Variants in CFAP54 observed in about 807,000 individuals in gnomAD.
The protein encoded by CFAP54 is cilia and flagella associated protein 54.
Under a neutral mutation model 370.4 loss-of-function variants are expected in CFAP54, and 290 were observed. The ratio of observed to expected loss-of-function variants is 0.78; its 90% confidence interval spans 0.71 to 0.86. CFAP54 has a LOEUF of 0.86. Among genes scored for constraint, CFAP54 ranks in the 40% least tolerant of loss-of-function variants. CFAP54 has a pLI of 0.00. For missense variants in CFAP54, 3,399 were observed against 3,528.7 expected (o/e 0.96, Z 0.93); for synonymous variants, 1,206 against 1,236.5 (o/e 0.98, Z 0.52).
intron 25 of CFAP54, among the ~76,000 whole-genome samples, chr12:96,595,783 G>T (rs1429841503): frequency 6.6e-6 from 1 of 152,106 alleles, no homozygotes; most frequent in Non-Finnish European, 1.5e-5. Context: ...AAAACCCAAA[G>T]GTGCCGACCT....
At chr12:96,601,589 C>CT (rs1025031549) in intron 26 of CFAP54, among the ~76,000 whole-genome samples, 7 of 151,840 alleles carry the variant, frequency 4.6e-5, no homozygotes, top group South Asian at 4.2e-4. Flanking sequence ...TGGTCCTGGA[C>CT]TTTTTTTTGG....
In CFAP54 at chr12:96,818,096, A is replaced by T. The variant is rs956426592; in HGVS notation, c.9096+183A>T. On this transcript the variant is annotated intron_variant, in intron 65 of 67. Transcript: ENST00000524981. ...TCTTCTGAAGGTCTGAAGGTCTTCT[A>T]AGCATACGAATTACAAGAATTTGAT... Among the ~76,000 whole-genome samples, 12 of 152,352 alleles carry T rather than the reference A, an allele frequency of 7.9e-5. No individual in the cohort carries two copies. In the East Asian group the frequency reaches 2.3e-3, roughly 29 times the overall value.
At chr12:96,749,823 C>T (rs551334922) in intron 55 of CFAP54, among the ~76,000 whole-genome samples, 1 of 152,278 alleles carries the variant, frequency 6.6e-6, no homozygotes, top group Admixed American at 6.5e-5. Flanking sequence ...CTCTTGTCAG[C>T]TGCTGGATCT....
chr12:96,849,882 G>A (rs1959486695), intron 66 of CFAP54, among the ~76,000 whole-genome samples: 1 of 152,074 alleles, frequency 6.6e-6, no homozygotes, highest in Non-Finnish European at 1.5e-5. Flanking sequence ...CTAATTCACA[G>A]TCTTTTATCT....
rs115719788 is a variant in CFAP54 at position 96,817,715 on chromosome 12, C to T, written c.8958-60C>T. The T allele has an allele frequency of 1.1e-3, 1,236 of 1,163,994 alleles. 9 individuals carry two copies. The African/African-American group carries it at 0.016, about 15-fold the overall frequency. 72.1% of individuals were successfully genotyped at this position (1,163,994 alleles called of 1,614,324 possible). A position where few individuals can be genotyped will look rare whatever the true frequency, so the allele number is the denominator to read the frequency against. On this transcript the variant is annotated intron_variant, in intron 64 of 67. Coordinates refer to ENST00000524981, the MANE Select transcript of CFAP54 (RefSeq NM_001306084.2). ...GATTACAGGCGTGAGCCACCACGCC[C>T]GGCCATAAATACCTTTCTTAACTCT...
At position 96,739,947 on chromosome 12, in the gene CFAP54, C is replaced by G; in HGVS notation, c.6966-9C>G. ...ACTGATAACATTTAAAATATATTTT[C>G]TATTTTAGTGCTGCAATAGTATTTT... On this transcript the variant is annotated splice_polypyrimidine_tract_variant and intron_variant, in intron 50 of 67. Coordinates refer to ENST00000524981, the MANE Select transcript of CFAP54 (RefSeq NM_001306084.2). The G allele has an allele frequency of 7.2e-7, 1 of 1,382,842 alleles. No individual in the cohort carries two copies. The highest frequency in any genetic ancestry group is 1.0e-6 in the Non-Finnish European group (1 of 989,770). 85.7% of individuals were successfully genotyped at this position (1,382,842 alleles called of 1,614,324 possible).
At chr12:96,584,940 A>G (rs1813013612) in intron 22 of CFAP54, among the ~76,000 whole-genome samples, 1 of 152,144 alleles carries the variant, frequency 6.6e-6, no homozygotes, top group Non-Finnish European at 1.5e-5. Flanking sequence ...CTATAAATGG[A>G]GATCAGCTGA....
At position 96,535,052 on chromosome 12, in the gene CFAP54, G is replaced by GT. The variant is rs745437045; in HGVS notation, c.1706-460dup. Among the ~76,000 whole-genome samples, 389 of 128,998 alleles carry GT rather than the reference G, an allele frequency of 3.0e-3. 2 individuals are homozygous for GT. The highest frequency in any genetic ancestry group is 0.011 in the African/African-American group (375 of 35,130). 84.6% of individuals were successfully genotyped at this position (128,998 alleles called of 152,430 possible). Reference sequence around the variant, plus strand: ...TGTGTGTGTGTGTGTGTGTGTGTGTGTTTATTTATTTATTTATTTATTTTG... The same window carrying GT: ...TGTGTGTGTGTGTGTGTGTGTGTGTGTTTTATTTATTTATTTATTTATTTTG... On this transcript the variant is annotated intron_variant, in intron 11 of 67. Coordinates refer to ENST00000524981, the MANE Select transcript of CFAP54 (RefSeq NM_001306084.2).
At chr12:96,506,901 C>A (rs1322024755) in intron 3 of CFAP54, 27 bp from the exon 4 acceptor site, 1 of 1,514,346 alleles carries the variant, frequency 6.6e-7, no homozygotes, top group Non-Finnish European at 8.8e-7. Context: ...ATTTCTATTT[C>A]TATTTCTATT....
At chr12:96,631,894 G>A (rs1956612474) in intron 32 of CFAP54, among the ~76,000 whole-genome samples, 1 of 151,484 alleles carries the variant, frequency 6.6e-6, no homozygotes, top group Non-Finnish European at 1.5e-5. Context: ...TAAATACACA[G>A]CGTTGCGGTT....
At chr12:96,656,593 C>T (rs1429069334) in intron 36 of CFAP54, among the ~76,000 whole-genome samples, 1 of 152,228 alleles carries the variant, frequency 6.6e-6, no homozygotes, top group Non-Finnish European at 1.5e-5. Flanking sequence ...GTTGGTCAGG[C>T]TGGTCTCAAA....
chr12:96,731,679 A>T (rs1388374890), intron 50 of CFAP54, among the ~76,000 whole-genome samples: 1 of 152,172 alleles, frequency 6.6e-6, no homozygotes, highest in African/African-American at 2.4e-5. Context: ...TACTAAAAAC[A>T]TGACTTTTAA....
intron 47 of CFAP54, 28 bp from the exon 48 acceptor site, chr12:96,708,580 G>C (rs777239697): frequency 1.3e-6 from 2 of 1,540,358 alleles, no homozygotes; most frequent in Non-Finnish European, 1.8e-6. Context: ...TTTCTAATTT[G>C]CTCTTTTTCC....
At position 96,527,432 on chromosome 12, in the gene CFAP54, G is replaced by C; in HGVS notation, c.1345G>C (p.Glu449Gln). Residue 449 changes from glutamate (E) to glutamine (Q), a missense_variant, in exon 9 of 68, where the codon GAA becomes CAA. Around this residue, in one of 3 missense-constraint regions of CFAP54, gnomAD observed 559 missense variants for 576.7 expected, o/e 0.97. Coordinates refer to ENST00000524981, the MANE Select transcript of CFAP54 (RefSeq NM_001306084.2). ...CTCAGAATTGTTTATGGCAGGAAAAGAACTTTTGATAAGTAAATAAGATGT... is the reference window on the plus strand; with the variant it reads ...CTCAGAATTGTTTATGGCAGGAAAACAACTTTTGATAAGTAAATAAGATGT... Reference protein sequence around the residue: ...VVSELFMAGKELLIMSNIGAD... With the variant: ...VVSELFMAGKQLLIMSNIGAD... 3 of 1,515,628 alleles carry C rather than the reference G, an allele frequency of 2.0e-6. No individual in the cohort carries two copies. The highest frequency in any genetic ancestry group is 1.8e-6 in the Non-Finnish European group (2 of 1,135,354). The allele number at this position is 1,515,628 out of a possible 1,614,324, so 93.9% of individuals were successfully genotyped here.
chr12:96,630,403 T>C, intron 31 of CFAP54, 148 bp from the exon 32 acceptor site: 1 of 599,952 alleles, frequency 1.7e-6, no homozygotes, highest in Non-Finnish European at 2.8e-6. Flanking sequence ...TCTACAGGGG[T>C]ACTTCTGCTG....
chr12:96,873,602 T>C (rs1365823753), intron 67 of CFAP54, among the ~76,000 whole-genome samples: 1 of 152,194 alleles, frequency 6.6e-6, no homozygotes, highest in East Asian at 1.9e-4. Flanking sequence ...ACACAATACA[T>C]GGGTCTTCAA....
intron 60 of CFAP54, among the ~76,000 whole-genome samples, chr12:96,768,149 C>T (rs970052240): frequency 6.6e-6 from 1 of 151,934 alleles, no homozygotes; most frequent in Non-Finnish European, 1.5e-5. Flanking sequence ...GGTGAAACCC[C>T]GTCTCTACTA....
At chr12:96,627,043 T>A (rs1047257268) in intron 30 of CFAP54, 104 bp downstream of exon 30, 26 of 812,112 alleles carry the variant, frequency 3.2e-5, no homozygotes, top group Non-Finnish European at 4.0e-5. Flanking sequence ...GTGGAGTATA[T>A]ACAGTTAAAA....
intron 5 of CFAP54, 28 bp from the exon 6 acceptor site, chr12:96,518,900 A>T: frequency 6.7e-7 from 1 of 1,497,876 alleles, no homozygotes; most frequent in Non-Finnish European, 8.9e-7. Flanking sequence ...AAATGAAAAC[A>T]AATCCAATGG....
Sources: allele counts gnomAD v4.1 joint callset (sites outside exome capture counted in the v4.1 genomes callset), GRCh38; gene constraint gnomAD v4.1.1; regional missense constraint gnomAD v4.1.1; transcripts MANE v1.5; gene names NCBI Gene and HGNC (gene_info 2026-07-23, HGNC 2026-07-21).